Variants in MT1HL1 observed in about 807,000 individuals in gnomAD.
MT1HL1 encodes the protein metallothionein 1H-like protein 1.
MT1HL1 carries 2 observed loss-of-function variants against 1.3 expected under a neutral mutation model. The ratio of observed to expected loss-of-function variants is 1.56; its 90% CI spans 0.64 to 4.92. The LOEUF (loss-of-function observed/expected upper bound fraction) is 4.92. Among genes scored for constraint, MT1HL1 ranks in the 30% most tolerant of loss-of-function variants. The pLI is 0.06. For missense variants in MT1HL1, 79 were observed against 77.0 expected, an observed-to-expected ratio of 1.03 and a Z score of -0.10; for synonymous variants, 32 against 31.0, an observed-to-expected ratio of 1.03 and a Z score of -0.10.
rs766134997 is a variant in MT1HL1, at chr1:237,004,199, G to C, written c.174C>G (p.Ser58Arg). 4.3e-6 allele frequency: 7 copies of C among 1,614,118 alleles called. No homozygotes were observed. In the South Asian group the frequency reaches 7.7e-5, roughly 18 times the overall value. ...CIRKGASEKC[S>R]CCA ...GGCAGTCCCGACATCAGGCACAGCAGCTGCACTTTTCCGAAGCCCCTTTGC... is the reference window on the plus strand; with the variant it reads ...GGCAGTCCCGACATCAGGCACAGCACCTGCACTTTTCCGAAGCCCCTTTGC... The change falls in exon 1 of 1, where the codon AGC (serine) becomes AGG (arginine). Residue 58 changes from serine to arginine, a missense_variant. Coordinates refer to ENST00000464121, the MANE Select transcript of MT1HL1 (RefSeq NM_001276687.2).
At position 237,004,341 on chromosome 1, in the gene MT1HL1, C is replaced by T; in HGVS notation, c.32G>A (p.Gly11Asp). The part of the protein sequence containing the change: MDPNCSCAAG[G>D]SYACAGSCKC... ...GCAGGAGCCGGCGCAGGCGTAGGAG[C>T]CTCCAGCGGCGCAGGAGCAGTTGGG... Residue 11 changes from glycine to aspartate, a missense_variant, in exon 1 of 1, where the codon GGC becomes GAC. By Grantham distance (94) the Gly-to-Asp change is moderately conservative (BLOSUM62 -1). Transcript: ENST00000464121. 6.2e-7 allele frequency: 1 copy of T among 1,613,962 alleles called. No individual in the cohort carries two copies. Among genetic ancestry groups the T allele is most frequent in the Non-Finnish European group, 8.5e-7 (1 of 1,180,036 alleles).
chr1:237,004,205 C>T lies in MT1HL1; in HGVS notation c.168G>A (p.Lys56=), dbSNP rs751335185. 2 of 1,614,148 alleles carry T rather than the reference C, an allele frequency of 1.2e-6. No homozygotes were observed. Among genetic ancestry groups the T allele is most frequent in the Admixed American group, 1.7e-5 (1 of 60,030 alleles). Residue 56 remains lysine, a synonymous_variant, in exon 1 of 1, where the codon AAG becomes AAA. Transcript: ENST00000464121. ...QGCIRKGASE[K]CSCCA ...CCCGACATCAGGCACAGCAGCTGCA[C>T]TTTTCCGAAGCCCCTTTGCGGATGC...
chr1:237,004,312 A>C lies in MT1HL1; in HGVS notation c.61T>G (p.Cys21Gly). ...GSYACAGSCK[C>G]KKCKCTSCKK... Reference sequence around the variant, plus strand: ...CAGGAGGTGCATTTGCACTTTTTGCACTTGCAGGAGCCGGCGCAGGCGTAG... The same window carrying C: ...CAGGAGGTGCATTTGCACTTTTTGCCCTTGCAGGAGCCGGCGCAGGCGTAG... The change falls in exon 1 of 1, where the codon TGC (cysteine) becomes GGC (glycine). Residue 21 changes from cysteine (C) to glycine (G), a missense_variant. Transcript: ENST00000464121. The C allele has an allele frequency of 6.2e-7, 1 of 1,614,076 alleles. No individual in the cohort carries two copies. Among genetic ancestry groups the C allele is most frequent in the South Asian group, 1.1e-5 (1 of 91,078 alleles).
At position 237,004,297 on chromosome 1, in the gene MT1HL1, A is replaced by C; in HGVS notation, c.76T>G (p.Cys26Gly). ...AGSCKCKKCK[C>G]TSCKKSCCSC... is the part of the protein sequence containing the mutation. The stretch of plus-strand genomic sequence containing the variant: ...CAGCAGCTCTTCTTGCAGGAGGTGC[A>C]TTTGCACTTTTTGCACTTGCAGGAG... Residue 26 changes from cysteine (C) to glycine (G), a missense_variant, in exon 1 of 1, where the codon TGC (cysteine) becomes GGC (glycine). By Grantham distance (159) the Cys-to-Gly change is radical. Transcript: ENST00000464121. 1 of 1,614,116 alleles carries C rather than the reference A, an allele frequency of 6.2e-7. No homozygotes were observed.
In MT1HL1 at chr1:237,004,221, T is replaced by G. The variant is rs749713060; in HGVS notation, c.152A>C (p.Lys51Thr). 6.2e-7 allele frequency: 1 copy of G among 1,614,084 alleles called. No homozygotes were observed. ...GCAGCTGCACTTTTCCGAAGCCCCT[T>G]TGCGGATGCAGCCCTGGGCACACTT... is the stretch of plus-strand genomic sequence containing the variant. ...CAKCAQGCIR[K>T]GASEKCSCCA The change falls in exon 1 of 1, where the codon AAA (lysine) becomes ACA (threonine). Residue 51 changes from lysine to threonine, a missense_variant. Coordinates refer to ENST00000464121, the MANE Select transcript of MT1HL1 (RefSeq NM_001276687.2).
rs1167530949 is a variant in MT1HL1, at chr1:237,004,227, A to T, written c.146T>A (p.Ile49Asn). The part of the protein sequence containing the change: ...LGCAKCAQGC[I>N]RKGASEKCSC... ...GCACTTTTCCGAAGCCCCTTTGCGG[A>T]TGCAGCCCTGGGCACACTTGGCACA... The change falls in exon 1 of 1, where the codon ATC (isoleucine) becomes AAC (asparagine). Residue 49 changes from isoleucine (I) to asparagine (N), a missense_variant. Ile to Asn is a moderately radical substitution (Grantham distance 149). Coordinates refer to ENST00000464121, the MANE Select transcript of MT1HL1 (RefSeq NM_001276687.2). The T allele has an allele frequency of 2.5e-6, 4 of 1,613,964 alleles. No homozygotes were observed. Among genetic ancestry groups the T allele is most frequent in the Non-Finnish European group, 2.5e-6 (3 of 1,180,014 alleles).
At position 237,004,310 on chromosome 1, in the gene MT1HL1, G is replaced by A; in HGVS notation, c.63C>T (p.Cys21=). The A allele has an allele frequency of 6.2e-7, 1 of 1,614,088 alleles. No individual in the cohort carries two copies. Residue 21 remains cysteine (C), a synonymous_variant, in exon 1 of 1, where the codon TGC becomes TGT. Transcript: ENST00000464121. ...GSYACAGSCK[C]KKCKCTSCKK... ...TGCAGGAGGTGCATTTGCACTTTTT[G>A]CACTTGCAGGAGCCGGCGCAGGCGT...
chr1:237,004,140 C>T lies in MT1HL1; in HGVS notation c.*47G>A, dbSNP rs1008261301. ...GGGTTGTAGAAAAAAAAATCCCGGACTTTACGTGTCATTCTGTTTTCATCC... is the reference window on the plus strand; with the variant it reads ...GGGTTGTAGAAAAAAAAATCCCGGATTTTACGTGTCATTCTGTTTTCATCC... On this transcript the variant is annotated 3_prime_UTR_variant, in exon 1 of 1. Coordinates refer to ENST00000464121, the MANE Select transcript of MT1HL1 (RefSeq NM_001276687.2). The T allele has an allele frequency of 6.3e-7, 1 of 1,589,336 alleles. No homozygotes were observed. Among genetic ancestry groups the T allele is most frequent in the Admixed American group, 1.8e-5 (1 of 54,994 alleles).
chr1:237,004,131 A>G lies in MT1HL1; in HGVS notation c.*56T>C. 1.3e-6 allele frequency: 2 copies of G among 1,566,364 alleles called. No individual in the cohort carries two copies. Among genetic ancestry groups the G allele is most frequent in the Non-Finnish European group, 8.6e-7 (1 of 1,157,628 alleles). On this transcript the variant is annotated 3_prime_UTR_variant, in exon 1 of 1. Transcript: ENST00000464121. ...AATGGGTCGGGGTTGTAGAAAAAAA[A>G]ATCCCGGACTTTACGTGTCATTCTG...
At position 237,004,423 on chromosome 1, in the gene MT1HL1, G is replaced by A; in HGVS notation, c.-51C>T. ...CCCAAGCGAGAAGAGAAGAGGCAGTGGAACACGTGGAGGGCGTCGTGGATT... is the reference window on the plus strand; with the variant it reads ...CCCAAGCGAGAAGAGAAGAGGCAGTAGAACACGTGGAGGGCGTCGTGGATT... On this transcript the variant is annotated 5_prime_UTR_variant, in exon 1 of 1. Coordinates refer to ENST00000464121, the MANE Select transcript of MT1HL1 (RefSeq NM_001276687.2). 1.2e-6 allele frequency: 2 copies of A among 1,613,562 alleles called. No individual in the cohort carries two copies. The highest frequency in any genetic ancestry group is 1.1e-5 in the South Asian group (1 of 91,048).
chr1:237,004,381 G>A lies in MT1HL1; in HGVS notation c.-9C>T. On this transcript the variant is annotated 5_prime_UTR_variant, in exon 1 of 1. Coordinates refer to ENST00000464121, the MANE Select transcript of MT1HL1 (RefSeq NM_001276687.2). ...GAGCAGTTGGGGTCCATTGCAAGCC[G>A]AGGTGAGACCGGCGTTCCCAAGCGA... The A allele has an allele frequency of 1.9e-6, 3 of 1,613,950 alleles. No homozygotes were observed. The highest frequency in any genetic ancestry group is 1.7e-6 in the Non-Finnish European group (2 of 1,180,042).
In MT1HL1 at chr1:237,004,429, C is replaced by G; in HGVS notation, c.-57G>C. 2 of 1,613,244 alleles carry G rather than the reference C, an allele frequency of 1.2e-6. No homozygotes were observed. The highest frequency in any genetic ancestry group is 1.3e-5 in the African/African-American group (1 of 75,030). ...CGAGAAGAGAAGAGGCAGTGGAACA[C>G]GTGGAGGGCGTCGTGGATTGATTCA... On this transcript the variant is annotated 5_prime_UTR_variant, in exon 1 of 1. Coordinates refer to ENST00000464121, the MANE Select transcript of MT1HL1 (RefSeq NM_001276687.2).
rs775246230 is a variant in MT1HL1, at chr1:237,004,339, A to C, written c.34T>G (p.Ser12Ala). ...TTGCAGGAGCCGGCGCAGGCGTAGG[A>C]GCCTCCAGCGGCGCAGGAGCAGTTG... ...DPNCSCAAGG[S>A]YACAGSCKCK... The change falls in exon 1 of 1, where the codon TCC becomes GCC. Residue 12 changes from serine to alanine, a missense_variant. Transcript: ENST00000464121. 105 of 1,613,844 alleles carry C rather than the reference A, an allele frequency of 6.5e-5. No homozygotes were observed. In the African/African-American group the frequency reaches 1.1e-3, roughly 17 times the overall value.
rs191119697 is a variant in MT1HL1, at chr1:237,004,113, C to T, written c.*74G>A. 2.6e-6 allele frequency: 4 copies of T among 1,525,466 alleles called. No homozygotes were observed. Among genetic ancestry groups the T allele is most frequent in the East Asian group, 4.7e-5 (2 of 42,454 alleles). The allele number at this position is 1,525,466 out of a possible 1,614,324, so 94.5% of individuals were successfully genotyped here. A position where few individuals can be genotyped will look rare whatever the true frequency, so the allele number is the denominator to read the frequency against. On this transcript the variant is annotated 3_prime_UTR_variant, in exon 1 of 1. Transcript: ENST00000464121. ...AAAAAGAGGAATGTAGCAAATGGGTCGGGGTTGTAGAAAAAAAAATCCCGG... is the reference window on the plus strand; with the variant it reads ...AAAAAGAGGAATGTAGCAAATGGGTTGGGGTTGTAGAAAAAAAAATCCCGG...
rs1407875163 is a variant in MT1HL1 at position 237,004,246 on chromosome 1, T to C, written c.127A>G (p.Lys43Glu). The C allele has an allele frequency of 1.7e-4, 270 of 1,614,130 alleles. 13 individuals carry two copies. In the South Asian group the frequency reaches 2.9e-3, roughly 17 times the overall value. Reference sequence around the variant, plus strand: ...TTGCGGATGCAGCCCTGGGCACACTTGGCACAGCCCAGGGGGCAACAGGAG... The same window carrying C: ...TTGCGGATGCAGCCCTGGGCACACTCGGCACAGCCCAGGGGGCAACAGGAG... ...CCSCCPLGCA[K>E]CAQGCIRKGA... Residue 43 changes from lysine to glutamate, a missense_variant, in exon 1 of 1, where the codon AAG (lysine) becomes GAG (glutamate). Physicochemically the swap from Lys to Glu is moderately conservative, Grantham distance 56 (BLOSUM62 1). Transcript: ENST00000464121.
In MT1HL1 at chr1:237,004,352, G is replaced by A. The variant is rs750910445; in HGVS notation, c.21C>T (p.Cys7=). The A allele has an allele frequency of 4.1e-5, 66 of 1,613,694 alleles. No homozygotes were observed. In the Admixed American group the frequency reaches 5.7e-4, roughly 14 times the overall value. ...CGCAGGCGTAGGAGCCTCCAGCGGC[G>A]CAGGAGCAGTTGGGGTCCATTGCAA... MDPNCS[C]AAGGSYACAG... The change falls in exon 1 of 1, where the codon TGC becomes TGT. Residue 7 remains cysteine, a synonymous_variant. Coordinates refer to ENST00000464121, the MANE Select transcript of MT1HL1 (RefSeq NM_001276687.2).
Position 237,004,288 on chromosome 1 carries a change from A to G in MT1HL1, c.85T>C (p.Cys29Arg), listed in dbSNP as rs1658950353. The change falls in exon 1 of 1, where the codon TGC (cysteine) becomes CGC (arginine). Residue 29 changes from cysteine to arginine, a missense_variant. Coordinates refer to ENST00000464121, the MANE Select transcript of MT1HL1 (RefSeq NM_001276687.2). The part of the protein sequence containing the change: ...CKCKKCKCTS[C>R]KKSCCSCCPL... ...CAACAGGAGCAGCAGCTCTTCTTGCAGGAGGTGCATTTGCACTTTTTGCAC... is the reference window on the plus strand; with the variant it reads ...CAACAGGAGCAGCAGCTCTTCTTGCGGGAGGTGCATTTGCACTTTTTGCAC... The G allele has an allele frequency of 6.2e-7, 1 of 1,614,126 alleles. No individual in the cohort carries two copies. Among genetic ancestry groups the G allele is most frequent in the Non-Finnish European group, 8.5e-7 (1 of 1,180,036 alleles).
chr1:237,004,438 C>G lies in MT1HL1; in HGVS notation c.-66G>C. 6.2e-7 allele frequency: 1 copy of G among 1,612,288 alleles called. No homozygotes were observed. Among genetic ancestry groups the G allele is most frequent in the Non-Finnish European group, 8.5e-7 (1 of 1,179,576 alleles). ...AAGAGGCAGTGGAACACGTGGAGGG[C>G]GTCGTGGATTGATTCAAACTTTAAA... On this transcript the variant is annotated 5_prime_UTR_variant, in exon 1 of 1. Coordinates refer to ENST00000464121, the MANE Select transcript of MT1HL1 (RefSeq NM_001276687.2).
chr1:237,004,225 G>C lies in MT1HL1; in HGVS notation c.148C>G (p.Arg50Gly). The stretch of plus-strand genomic sequence containing the variant: ...CTGCACTTTTCCGAAGCCCCTTTGC[G>C]GATGCAGCCCTGGGCACACTTGGCA... ...GCAKCAQGCI[R>G]KGASEKCSCC... is the part of the protein sequence containing the mutation. Residue 50 changes from arginine to glycine, a missense_variant, in exon 1 of 1, where the codon CGC (arginine) becomes GGC (glycine). Coordinates refer to ENST00000464121, the MANE Select transcript of MT1HL1 (RefSeq NM_001276687.2). 6.2e-7 allele frequency: 1 copy of C among 1,613,324 alleles called. No individual in the cohort carries two copies. The highest frequency in any genetic ancestry group is 8.5e-7 in the Non-Finnish European group (1 of 1,180,012).
Sources: gnomAD v4.1 joint callset for allele counts on GRCh38, gnomAD v4.1.1 for gene constraint, MANE v1.5 for transcripts, NCBI Gene and HGNC (gene_info 2026-07-23, HGNC 2026-07-21) for gene names.